RBFOX1: variants seen among roughly 807,000 people sequenced by gnomAD.
RBFOX1 encodes the protein RNA binding fox-1 homolog 1.
In RBFOX1, 8 loss-of-function variants were observed where a neutral mutation model predicts 57.7. The observed-to-expected ratio is 0.14, with a 90% CI of 0.08 to 0.25. RBFOX1 has a LOEUF of 0.25. Ranked by LOEUF, RBFOX1 falls within the 10% of genes least tolerant of loss-of-function variation. The pLI is 1.00. For missense variants in RBFOX1, 611 were observed against 548.5 expected, an observed-to-expected ratio of 1.11 and a Z score of -1.14; for synonymous variants, 326 against 222.4, an observed-to-expected ratio of 1.47 and a Z score of -4.15.
chr16:7,143,069 A>G (rs899497248), intron 4 of RBFOX1, among the ~76,000 whole-genome samples: 1 of 152,064 alleles, frequency 6.6e-6, no homozygotes, highest in Admixed American at 6.5e-5. Flanking sequence ...AGTGTCCTTC[A>G]TATTTTTTCC....
At chr16:5,758,557 GT>G (rs1318714062) in intron 3 of RBFOX1, among the ~76,000 whole-genome samples, 1 of 152,140 alleles carries the variant, frequency 6.6e-6, no homozygotes, top group Non-Finnish European at 1.5e-5. Flanking sequence ...TTTTCACATT[GT>G]TTTACAGTGA....
chr16:5,274,575 C>T (rs2063096553), intron 1 of RBFOX1, among the ~76,000 whole-genome samples: 1 of 152,148 alleles, frequency 6.6e-6, no homozygotes, highest in African/African-American at 2.4e-5. Context: ...AGGATGAAAG[C>T]TTCCAAGTCT....
chr16:6,814,753 G>GA (rs1394258803), intron 3 of RBFOX1, among the ~76,000 whole-genome samples: 1 of 152,094 alleles, frequency 6.6e-6, no homozygotes, highest in African/African-American at 2.4e-5. Flanking sequence ...AACCCTGGGG[G>GA]AGAGGTGGGG....
chr16:6,316,446 C>A (rs79229327), intron 1 of RBFOX1, among the ~76,000 whole-genome samples: 2,517 of 152,258 alleles, frequency 0.017, 68 homozygotes, highest in African/African-American at 0.057. Context: ...TAAATCATTT[C>A]CATATTTGAA....
intron 3 of RBFOX1, among the ~76,000 whole-genome samples, chr16:5,856,242 T>TACAC (rs1567631314): frequency 2.6e-5 from 1 of 38,584 alleles, no homozygotes; most frequent in African/African-American, 8.7e-5. Flanking sequence ...TATATATGTG[T>TACAC]ATATATATGT....
chr16:6,524,423 T>G (rs1203241936), intron 2 of RBFOX1, among the ~76,000 whole-genome samples: 1 of 152,204 alleles, frequency 6.6e-6, no homozygotes, highest in African/African-American at 2.4e-5. Flanking sequence ...TTCCAGATCT[T>G]TTTATGGCAG....
chr16:6,816,078 C>T (rs1301919822), intron 3 of RBFOX1, among the ~76,000 whole-genome samples: 3 of 152,206 alleles, frequency 2.0e-5, no homozygotes, highest in South Asian at 4.2e-4. Flanking sequence ...GAGGCTGAGG[C>T]AGGAGGATTG....
intron 4 of RBFOX1, among the ~76,000 whole-genome samples, chr16:7,139,111 A>G (rs1186136932): frequency 1.4e-4 from 21 of 151,760 alleles, no homozygotes; most frequent in Non-Finnish European, 4.4e-5. Context: ...GTCAACTTAC[A>G]GATTTTGATA....
intron 3 of RBFOX1, among the ~76,000 whole-genome samples, chr16:6,797,827 TG>T (rs1433009751): frequency 6.6e-6 from 1 of 152,182 alleles, no homozygotes; most frequent in Non-Finnish European, 1.5e-5. Flanking sequence ...TCTGCAATCA[TG>T]AGCTCTAGAA....
intron 1 of RBFOX1, among the ~76,000 whole-genome samples, chr16:6,176,495 C>T (rs1454781500): frequency 1.3e-5 from 2 of 149,580 alleles, no homozygotes; most frequent in Non-Finnish European, 3.0e-5. Context: ...TGCTGTGCCT[C>T]CTTTCTTCTC....
chr16:5,427,702 C>G (rs759526270), intron 1 of RBFOX1, among the ~76,000 whole-genome samples: 1 of 152,208 alleles, frequency 6.6e-6, no homozygotes, highest in South Asian at 2.1e-4. Context: ...CAAAGGCCGT[C>G]TGCTGTAAGA....
intron 4 of RBFOX1, among the ~76,000 whole-genome samples, chr16:7,513,806 A>C (rs373316904): frequency 6.6e-6 from 1 of 152,198 alleles, no homozygotes; most frequent in African/African-American, 2.4e-5. Flanking sequence ...CCTTCTGCTC[A>C]TAAGCCCACT....
chr16:6,519,628 G>T (rs757617647), intron 2 of RBFOX1, among the ~76,000 whole-genome samples: 1 of 152,178 alleles, frequency 6.6e-6, no homozygotes, highest in Non-Finnish European at 1.5e-5. Context: ...TTGAACCCGG[G>T]AGGTGGAGGT....
At chr16:5,284,523 C>G (rs2063344083) in intron 1 of RBFOX1, among the ~76,000 whole-genome samples, 1 of 149,582 alleles carries the variant, frequency 6.7e-6, no homozygotes, top group Non-Finnish European at 1.5e-5. Flanking sequence ...TTTTGCTTAT[C>G]TGGGAAATAT....
At chr16:5,840,730 A>T (rs2056599991) in intron 3 of RBFOX1, among the ~76,000 whole-genome samples, 1 of 152,164 alleles carries the variant, frequency 6.6e-6, no homozygotes, top group African/African-American at 2.4e-5. Context: ...GAGCCTTCTC[A>T]CAGCACACTG....
rs111919650 is a variant in RBFOX1 at position 6,686,211 on chromosome 16, G to C, written c.-16+31561G>C. Reference sequence around the variant, plus strand: ...TCAGACAGGTTTCCACGGTTCAGATGTTCTTATCACTCAGGTAGAGGTCTC... The same window carrying C: ...TCAGACAGGTTTCCACGGTTCAGATCTTCTTATCACTCAGGTAGAGGTCTC... On this transcript the variant is annotated intron_variant, in intron 3 of 15. Transcript: ENST00000550418. Among the ~76,000 whole-genome samples, 346 of 152,288 alleles carry C rather than the reference G, an allele frequency of 2.3e-3. 1 individual carries two copies. The highest frequency in any genetic ancestry group is 7.9e-3 in the African/African-American group (328 of 41,560).
chr16:5,376,381 C>G (rs2065984343), intron 1 of RBFOX1, among the ~76,000 whole-genome samples: 3 of 151,960 alleles, frequency 2.0e-5, no homozygotes, highest in African/African-American at 7.2e-5. Flanking sequence ...GAGGGGATCC[C>G]AAGGTTGGGA....
chr16:6,742,395 G>A (rs189301406), intron 3 of RBFOX1, among the ~76,000 whole-genome samples: 1 of 152,282 alleles, frequency 6.6e-6, no homozygotes, highest in Non-Finnish European at 1.5e-5. Flanking sequence ...AATGCAAAAT[G>A]ACACAACTCT....
At chr16:6,876,151 C>G (rs1310679299) in intron 3 of RBFOX1, among the ~76,000 whole-genome samples, 1 of 151,600 alleles carries the variant, frequency 6.6e-6, no homozygotes, top group South Asian at 2.1e-4. Context: ...CCATTGCACT[C>G]CAGCCTGGGC....
Sources: allele counts gnomAD v4.1 joint callset (sites outside exome capture counted in the v4.1 genomes callset), GRCh38; gene constraint gnomAD v4.1.1; transcripts MANE v1.5; gene names NCBI Gene and HGNC (gene_info 2026-07-23, HGNC 2026-07-21).